Variants in SGCZ observed in about 807,000 individuals in gnomAD.
SGCZ encodes the protein sarcoglycan zeta, also known as zeta-sarcoglycan.
In SGCZ, 40 loss-of-function variants were observed where a neutral mutation model predicts 41.3. That is an observed-to-expected ratio of 0.97 (90% confidence interval 0.75 to 1.26). The LOEUF (loss-of-function observed/expected upper bound fraction) is 1.26, where lower values mean the gene tolerates loss of function less well. SGCZ is among the 50% of genes most tolerant of loss of function. The pLI, the probability that SGCZ is intolerant of heterozygous loss-of-function variation, is 0.00. For synonymous variants in SGCZ, 206 were observed against 137.5 expected (o/e 1.50, Z -3.49); for missense variants, 552 against 369.8 (o/e 1.49, Z -4.04).
At chr8:14,265,723 G>C (rs1288327178) in intron 3 of SGCZ, among the ~76,000 whole-genome samples, 2 of 150,872 alleles carry the variant, frequency 1.3e-5, no homozygotes, top group Non-Finnish European at 3.0e-5. Context: ...AGAAAATGTA[G>C]AGAGACAATT....
At chr8:14,762,055 A>C (rs1799898844) in intron 1 of SGCZ, among the ~76,000 whole-genome samples, 1 of 152,204 alleles carries the variant, frequency 6.6e-6, no homozygotes, top group Non-Finnish European at 1.5e-5. Flanking sequence ...ATGAATAGCA[A>C]ATTGAGACAG....
rs1563308789 is a variant in SGCZ, at chr8:14,406,319, T to A, written c.235-82115A>T. Reference sequence around the variant, plus strand: ...CCATCATGCCCCACTCTATTCACTTTCTTATCAAATTTTCTTGTTCATTTT... The same window carrying A: ...CCATCATGCCCCACTCTATTCACTTACTTATCAAATTTTCTTGTTCATTTT... On this transcript the variant is annotated intron_variant, in intron 2 of 7. Transcript: ENST00000382080. Among the ~76,000 whole-genome samples, 3 of 152,130 alleles carry A rather than the reference T, an allele frequency of 2.0e-5. No individual in the cohort carries two copies. The South Asian group carries it at 6.2e-4, about 31-fold the overall frequency.
chr8:14,697,451 C>A (rs920568705), intron 1 of SGCZ, among the ~76,000 whole-genome samples: 6 of 152,042 alleles, frequency 3.9e-5, no homozygotes, highest in Non-Finnish European at 7.4e-5. Flanking sequence ...ATTTCACTTA[C>A]AATACATTTG....
Position 14,355,967 on chromosome 8 carries a change from C to T in SGCZ, c.235-31763G>A, listed in dbSNP as rs190901661. 2.1e-3 allele frequency among the ~76,000 whole-genome samples: 323 copies of T among 152,232 alleles called. 7 individuals are homozygous for T. The highest frequency in any genetic ancestry group is 0.021 in the Admixed American group (316 of 15,284). On this transcript the variant is annotated intron_variant, in intron 2 of 7. Transcript: ENST00000382080. ...ATTTCCTCATGGTGTGAAAGTAATACACATTCAGCAGAAAATATTCTTCCA... is the reference window on the plus strand; with the variant it reads ...ATTTCCTCATGGTGTGAAAGTAATATACATTCAGCAGAAAATATTCTTCCA...
chr8:14,670,299 C>T (rs767923523), intron 1 of SGCZ, among the ~76,000 whole-genome samples: 1 of 121,546 alleles, frequency 8.2e-6, no homozygotes. Flanking sequence ...GTAGCATAAA[C>T]AACTATTTAC....
intron 3 of SGCZ, among the ~76,000 whole-genome samples, chr8:14,259,127 C>T (rs1336324347): frequency 6.6e-6 from 1 of 152,096 alleles, no homozygotes; most frequent in African/African-American, 2.4e-5. Flanking sequence ...ATTTGTAATA[C>T]TATATTTTGT....
intron 1 of SGCZ, among the ~76,000 whole-genome samples, chr8:14,794,784 G>C (rs1370154121): frequency 6.6e-6 from 1 of 152,168 alleles, no homozygotes; most frequent in Non-Finnish European, 1.5e-5. Context: ...ATGTACCATA[G>C]AGGGACAAAT....
chr8:14,714,568 A>C (rs1218262669), intron 1 of SGCZ, among the ~76,000 whole-genome samples: 2 of 152,194 alleles, frequency 1.3e-5, no homozygotes, highest in Non-Finnish European at 2.9e-5. Context: ...AATTTGTCTT[A>C]GCCAATAATA....
chr8:14,753,782 C>G (rs760359079), intron 1 of SGCZ, among the ~76,000 whole-genome samples: 11 of 152,184 alleles, frequency 7.2e-5, no homozygotes, highest in Non-Finnish European at 1.5e-4. Context: ...CCATACATGA[C>G]AGCCAAATCT....
intron 2 of SGCZ, among the ~76,000 whole-genome samples, chr8:14,423,557 C>T (rs28498400): frequency 0.02 from 3,063 of 152,190 alleles, 64 homozygotes; most frequent in African/African-American, 0.038. Context: ...GCTGGGATTA[C>T]AGGCATACAC....
intron 1 of SGCZ, among the ~76,000 whole-genome samples, chr8:14,844,208 C>G (rs184456574): frequency 4.0e-4 from 61 of 152,160 alleles, no homozygotes; most frequent in Admixed American, 3.5e-3. Flanking sequence ...TATACTTTAC[C>G]TGTTTCCACT....
intron 1 of SGCZ, among the ~76,000 whole-genome samples, chr8:14,711,501 C>T (rs1191099447): frequency 6.8e-6 from 1 of 146,524 alleles, no homozygotes; most frequent in African/African-American, 2.5e-5. Context: ...ACTGAGAAGG[C>T]TGACGCAGGA....
intron 1 of SGCZ, among the ~76,000 whole-genome samples, chr8:15,167,635 G>C (rs757456199): frequency 1.3e-5 from 2 of 151,634 alleles, no homozygotes; most frequent in African/African-American, 2.4e-5. Flanking sequence ...TAAGACTAAA[G>C]GCTATTTTGC....
chr8:15,133,267 G>T (rs77231522), intron 1 of SGCZ, among the ~76,000 whole-genome samples: 186 of 152,208 alleles, frequency 1.2e-3, no homozygotes, highest in African/African-American at 4.2e-3. Flanking sequence ...ATGTGTTTTT[G>T]ATAAACTCTT....
At chr8:14,880,876 G>A (rs1316026972) in intron 1 of SGCZ, among the ~76,000 whole-genome samples, 3 of 151,940 alleles carry the variant, frequency 2.0e-5, no homozygotes, top group Admixed American at 6.6e-5. Context: ...AATGGGTGCA[G>A]CACATCAACA....
chr8:14,197,453 C>G (rs888290308), intron 4 of SGCZ, among the ~76,000 whole-genome samples: 1 of 151,846 alleles, frequency 6.6e-6, no homozygotes, highest in Non-Finnish European at 1.5e-5. Flanking sequence ...GATAATACAT[C>G]ATAGATAATG....
intron 1 of SGCZ, among the ~76,000 whole-genome samples, chr8:15,226,877 G>A (rs949207889): frequency 3.9e-5 from 6 of 152,218 alleles, no homozygotes; most frequent in Non-Finnish European, 8.8e-5. Context: ...CCAGTTGGAT[G>A]TACGGAATGA....
chr8:15,038,814 C>CAAAA (rs58922339), intron 1 of SGCZ, among the ~76,000 whole-genome samples: 9 of 93,074 alleles, frequency 9.7e-5, no homozygotes, highest in African/African-American at 3.2e-4. Flanking sequence ...TGACATTTCT[C>CAAAA]AAAAAAAAAA....
intron 1 of SGCZ, among the ~76,000 whole-genome samples, chr8:14,648,258 T>C (rs1262980647): frequency 1.3e-5 from 2 of 152,144 alleles, no homozygotes; most frequent in African/African-American, 2.4e-5. Flanking sequence ...GTAACCAAGG[T>C]ATCTCTGTCT....
Sources: gnomAD v4.1 joint callset for allele counts (sites outside exome capture counted in the v4.1 genomes callset) on GRCh38, gnomAD v4.1.1 for gene constraint, MANE v1.5 for transcripts, NCBI Gene and HGNC (gene_info 2026-07-23, HGNC 2026-07-21) for gene names.